The following VWA8 variants were observed in gnomAD, a reference collection of about 807,000 sequenced individuals.
VWA8 encodes von Willebrand factor A domain containing 8.
A neutral mutation model predicts 241.5 loss-of-function variants in VWA8; 221 were observed. The observed-to-expected ratio is 0.91, with a 90% CI of 0.82 to 1.02. VWA8 has a LOEUF of 1.02. Among genes scored for constraint, VWA8 ranks in the 50% least tolerant of loss-of-function variants. The pLI, the probability that VWA8 is intolerant of heterozygous loss-of-function variation, is 0.00. For synonymous variants in VWA8, 852 were observed against 827.1 expected (o/e 1.03, Z -0.52); for missense variants, 2,322 against 2,328.7 (o/e 1.00, Z 0.06).
intron 21 of VWA8, among the ~76,000 whole-genome samples, chr13:41,735,314 AAAAGT>A (rs1298325371): frequency 1.3e-5 from 2 of 152,198 alleles, no homozygotes; most frequent in Admixed American, 6.5e-5. Flanking sequence ...GCAGATTAAG[AAAAGT>A]AAATTAAACC....
At chr13:41,668,300 A>AG (rs2044999972) in intron 37 of VWA8, among the ~76,000 whole-genome samples, 1 of 152,148 alleles carries the variant, frequency 6.6e-6, no homozygotes, top group South Asian at 2.1e-4. Flanking sequence ...CATTGCCAGC[A>AG]GGCCTGTTAA....
At chr13:41,802,072 A>G (rs1220958031) in intron 17 of VWA8, among the ~76,000 whole-genome samples, 1 of 152,228 alleles carries the variant, frequency 6.6e-6, no homozygotes, top group African/African-American at 2.4e-5. Context: ...CCAGGTGAGC[A>G]ATCACAGTAC....
rs115105291 is a variant in VWA8, at chr13:41,710,976, G to A, written c.3117-7565C>T. Among the ~76,000 whole-genome samples the A allele has an allele frequency of 2.4e-3, 369 of 152,262 alleles. 2 individuals carry two copies. Among genetic ancestry groups the A allele is most frequent in the African/African-American group, 8.5e-3 (353 of 41,556 alleles). On this transcript the variant is annotated intron_variant, in intron 26 of 44. Transcript: ENST00000379310. Reference sequence around the variant, plus strand: ...TTTTAAAGCAGAAAACCGATTCTAGGCAGATGTCCTTTCAAGGGCAAATTC... The same window carrying A: ...TTTTAAAGCAGAAAACCGATTCTAGACAGATGTCCTTTCAAGGGCAAATTC...
At chr13:41,655,326 T>A (rs755896644) in intron 37 of VWA8, among the ~76,000 whole-genome samples, 36 of 152,130 alleles carry the variant, frequency 2.4e-4, no homozygotes, top group Non-Finnish European at 4.1e-4. Context: ...TGACGTCAGT[T>A]GATCCGCCCA....
At chr13:41,592,130 G>A (rs1281701295) in intron 40 of VWA8, among the ~76,000 whole-genome samples, 1 of 149,092 alleles carries the variant, frequency 6.7e-6, no homozygotes, top group Non-Finnish European at 1.5e-5. Context: ...GGAATACTAT[G>A]CAGCCATAAA....
chr13:41,858,899 G>A (rs545340120), intron 12 of VWA8, among the ~76,000 whole-genome samples: 1 of 152,130 alleles, frequency 6.6e-6, no homozygotes, highest in Admixed American at 6.5e-5. Context: ...AAAACAAGAT[G>A]AGCTACAGAC....
intron 12 of VWA8, among the ~76,000 whole-genome samples, chr13:41,840,233 C>A (rs758705743): frequency 6.6e-6 from 1 of 152,080 alleles, no homozygotes; most frequent in African/African-American, 2.4e-5. Flanking sequence ...CCAAATACTG[C>A]ATGTTCTCAG....
intron 16 of VWA8, 121 bp from the exon 17 acceptor site, chr13:41,811,461 G>A: frequency 1.8e-6 from 1 of 544,402 alleles, no homozygotes; most frequent in Non-Finnish European, 3.1e-6. Flanking sequence ...TAAAGTATGT[G>A]CTGTTAATTA....
chr13:41,818,816 T>C (rs1044449768), intron 15 of VWA8, among the ~76,000 whole-genome samples: 2 of 152,152 alleles, frequency 1.3e-5, no homozygotes, highest in African/African-American at 4.8e-5. Context: ...ATAGTCACTT[T>C]TCACTAAACA....
chr13:41,660,115 T>C (rs985834278), intron 37 of VWA8, among the ~76,000 whole-genome samples: 2 of 151,260 alleles, frequency 1.3e-5, no homozygotes, highest in African/African-American at 4.9e-5. Flanking sequence ...TGATCACTCT[T>C]TTTTTTTTCT....
At chr13:41,905,914 T>C (rs1212386718) in intron 4 of VWA8, among the ~76,000 whole-genome samples, 1 of 152,108 alleles carries the variant, frequency 6.6e-6, no homozygotes, top group Non-Finnish European at 1.5e-5. Context: ...AAAGGTACAT[T>C]ATTTTTTCCC....
chr13:41,625,628 T>C (rs1250803680), intron 37 of VWA8, among the ~76,000 whole-genome samples: 2 of 152,112 alleles, frequency 1.3e-5, no homozygotes, highest in African/African-American at 4.8e-5. Context: ...TTTTACACTG[T>C]TGGTGGGACT....
intron 25 of VWA8, among the ~76,000 whole-genome samples, chr13:41,720,766 G>A (rs541743257): frequency 1.6e-4 from 24 of 152,240 alleles, no homozygotes; most frequent in African/African-American, 4.3e-4. Context: ...TAAGGCAGAG[G>A]TCAAGAGTTG....
At chr13:41,595,538 G>C (rs1410493783) in intron 40 of VWA8, among the ~76,000 whole-genome samples, 1 of 152,054 alleles carries the variant, frequency 6.6e-6, no homozygotes, top group African/African-American at 2.4e-5. Flanking sequence ...CCTGCCAAAG[G>C]TAACTCCTAT....
intron 10 of VWA8, among the ~76,000 whole-genome samples, chr13:41,867,750 T>C (rs1320767786): frequency 1.3e-5 from 2 of 152,158 alleles, no homozygotes; most frequent in African/African-American, 4.8e-5. Context: ...CACAGTGGCA[T>C]GTGCCTGTAG....
chr13:41,676,540 T>C (rs370788009), intron 35 of VWA8, among the ~76,000 whole-genome samples: 1 of 152,226 alleles, frequency 6.6e-6, no homozygotes, highest in Non-Finnish European at 1.5e-5. Context: ...ATGTCATTAG[T>C]GTACCTGAGT....
chr13:41,745,483 T>C (rs1039048717), intron 21 of VWA8, among the ~76,000 whole-genome samples: 1 of 152,104 alleles, frequency 6.6e-6, no homozygotes, highest in Non-Finnish European at 1.5e-5. Context: ...ATATCCAGAA[T>C]CTACAAAGAA....
intron 42 of VWA8, among the ~76,000 whole-genome samples, chr13:41,584,512 T>C (rs1477282610): frequency 6.6e-6 from 1 of 152,166 alleles, no homozygotes; most frequent in East Asian, 1.9e-4. Context: ...AAAGAGCTTG[T>C]TTTGTGATGT....
At chr13:41,786,053 G>A (rs757308396) in intron 18 of VWA8, among the ~76,000 whole-genome samples, 29 of 152,112 alleles carry the variant, frequency 1.9e-4, no homozygotes, top group Admixed American at 3.3e-4. Flanking sequence ...TTCTGTGGGA[G>A]AAAGTTGGCT....
Sources: allele counts gnomAD v4.1 joint callset (sites outside exome capture counted in the v4.1 genomes callset), GRCh38; gene constraint gnomAD v4.1.1; transcripts MANE v1.5; gene names NCBI Gene and HGNC (gene_info 2026-07-23, HGNC 2026-07-21).